The following TAX1BP1 variants were observed in gnomAD, a reference collection of about 807,000 sequenced individuals.
TAX1BP1 encodes the protein tax1-binding protein 1.
TAX1BP1 carries 62 observed loss-of-function variants against 97.7 expected under a neutral mutation model. That is an observed-to-expected ratio of 0.63 (90% CI 0.52 to 0.78). The LOEUF is 0.78. Ranked by LOEUF, TAX1BP1 falls within the 30% of genes least tolerant of loss-of-function variation. The pLI is 0.00. For synonymous variants in TAX1BP1, 340 were observed against 304.2 expected (o/e 1.12, Z -1.23); for missense variants, 867 against 916.1 (o/e 0.95, Z 0.69).
intron 5 of TAX1BP1, among the ~76,000 whole-genome samples, chr7:27,782,936 T>G (rs548432454): frequency 1.3e-4 from 20 of 152,352 alleles, no homozygotes; most frequent in Admixed American, 1.2e-3. Context: ...TTAAATACTT[T>G]TAAAATGTGT....
intron 4 of TAX1BP1, 104 bp from the exon 5 acceptor site, chr7:27,769,572 G>T: frequency 1.1e-6 from 1 of 940,962 alleles, no homozygotes. Flanking sequence ...AGTTCTTTCT[G>T]TGAATGTCTT....
intron 1 of TAX1BP1, among the ~76,000 whole-genome samples, chr7:27,741,356 T>A (rs1010895884): frequency 6.6e-6 from 1 of 152,364 alleles, no homozygotes; most frequent in African/African-American, 2.4e-5. Flanking sequence ...TAGGACAGCC[T>A]TTCTCTTTCG....
chr7:27,816,361 A>C lies in TAX1BP1; in HGVS notation c.1777A>C (p.Ser593Arg), dbSNP rs748532867. The C allele has an allele frequency of 6.3e-7, 1 of 1,575,450 alleles. No individual in the cohort carries two copies. The highest frequency in any genetic ancestry group is 8.6e-7 in the Non-Finnish European group (1 of 1,168,902). ...TTGTTAATTTTAGGAACTTAAAAGG[A>C]GTCTAGAAAATCCAGCAGAAAGGAA... ...VQDNYKELKR[S>R]LENPAERKME... The change falls in exon 14 of 17, where the codon AGT (serine) becomes CGT (arginine). Residue 593 changes from serine (S) to arginine (R), a missense_variant. Transcript: ENST00000396319.
chr7:27,779,964 C>A (rs1219291597), intron 5 of TAX1BP1, among the ~76,000 whole-genome samples: 1 of 152,136 alleles, frequency 6.6e-6, no homozygotes, highest in African/African-American at 2.4e-5. Flanking sequence ...TATATCATTT[C>A]ATTTATATTT....
chr7:27,825,445 T>G (rs1791142268), intron 15 of TAX1BP1, among the ~76,000 whole-genome samples: 1 of 152,208 alleles, frequency 6.6e-6, no homozygotes, highest in Non-Finnish European at 1.5e-5. Context: ...TTAGAGTGCT[T>G]ACTGCATACT....
At chr7:27,751,898 C>A (rs1788034715) in intron 2 of TAX1BP1, among the ~76,000 whole-genome samples, 1 of 152,118 alleles carries the variant, frequency 6.6e-6, no homozygotes. Context: ...AGCGATCCAC[C>A]CGCCTCAGCC....
At chr7:27,810,641 A>C (rs1463619047) in intron 13 of TAX1BP1, among the ~76,000 whole-genome samples, 6 of 152,134 alleles carry the variant, frequency 3.9e-5, no homozygotes, top group Non-Finnish European at 8.8e-5. Context: ...TCTGACCTTC[A>C]ACTTGTCTTT....
intron 1 of TAX1BP1, among the ~76,000 whole-genome samples, chr7:27,745,265 A>G (rs1787776127): frequency 6.6e-6 from 1 of 152,202 alleles, no homozygotes. Context: ...CCCAGGCATT[A>G]CCACAAGGTG....
chr7:27,779,290 C>T (rs1472041423), intron 5 of TAX1BP1, among the ~76,000 whole-genome samples: 2 of 152,120 alleles, frequency 1.3e-5, no homozygotes, highest in Non-Finnish European at 2.9e-5. Context: ...GTGCTTGGCT[C>T]ATATCTAGAT....
intron 5 of TAX1BP1, among the ~76,000 whole-genome samples, chr7:27,775,993 T>A (rs1266383750): frequency 6.7e-6 from 1 of 149,414 alleles, no homozygotes. Flanking sequence ...GTCTGTCTGT[T>A]CGTCTGTCTG....
Position 27,785,409 on chromosome 7 carries a change from A to C in TAX1BP1, c.772A>C (p.Lys258Gln), listed in dbSNP as rs1374357767. 6.2e-7 allele frequency: 1 copy of C among 1,611,596 alleles called. No individual in the cohort carries two copies. ...KETELDSLKD[K>Q]LKKAQHEREQ... ...TCATACCTATCTTAGTTTAAAGGAC[A>C]AACTCAAGAAGGCACAACATGAAAG... Residue 258 changes from lysine (K) to glutamine (Q), a missense_variant, in exon 7 of 17, where the codon AAA (lysine) becomes CAA (glutamine). This residue lies in a region of TAX1BP1 where 822 missense variants were observed against 851.4 expected (regional missense o/e 0.97). Coordinates refer to ENST00000396319, the MANE Select transcript of TAX1BP1 (RefSeq NM_006024.7).
At chr7:27,820,245 C>T (rs1478433896) in intron 15 of TAX1BP1, among the ~76,000 whole-genome samples, 1 of 152,182 alleles carries the variant, frequency 6.6e-6, no homozygotes, top group Non-Finnish European at 1.5e-5. Flanking sequence ...AGACGAAAGC[C>T]CACACATTCT....
chr7:27,755,497 T>C (rs944003679), intron 2 of TAX1BP1, among the ~76,000 whole-genome samples: 2 of 152,226 alleles, frequency 1.3e-5, no homozygotes, highest in Non-Finnish European at 2.9e-5. Context: ...GATGTTTTTC[T>C]AGGTAACTTT....
chr7:27,816,892 G>T lies in TAX1BP1; in HGVS notation c.1939G>T (p.Gly647Ter). ...CCTTTCCAAAAATTTTATTACAGAT[G>T]GAGCAGATGGTGCTTTTTACCCAGA... ...NPYASQETRD[G>*]ADGAFYPDEI... The change falls in exon 15 of 17, where the codon GGA becomes TGA. Residue 647 changes from glycine to a stop codon, truncating the protein, a stop_gained and splice_region_variant. Transcript: ENST00000396319. LOFTEE classifies it high-confidence loss of function. 6.2e-7 allele frequency: 1 copy of T among 1,613,686 alleles called. No homozygotes were observed. The highest frequency in any genetic ancestry group is 8.5e-7 in the Non-Finnish European group (1 of 1,179,928).
In TAX1BP1 at chr7:27,821,650, AG is replaced by A. The variant is rs201087591; in HGVS notation, c.2085+4613del. 5.1e-3 allele frequency among the ~76,000 whole-genome samples: 769 copies of A among 150,904 alleles called. 7 individuals are homozygous for A. The highest frequency in any genetic ancestry group is 0.016 in the African/African-American group (654 of 41,140). ...ACTCGGTCTCAAAAAAAAAAAAAAA[AG>A]TAGTTAATTTTTTGTGATAGCTTGA... On this transcript the variant is annotated intron_variant, in intron 15 of 16. Transcript: ENST00000396319.
At chr7:27,751,710 G>A (rs374795738) in intron 2 of TAX1BP1, among the ~76,000 whole-genome samples, 35 of 152,300 alleles carry the variant, frequency 2.3e-4, no homozygotes, top group African/African-American at 7.9e-4. Flanking sequence ...CAGGAAGAGA[G>A]TGCCTGGGTA....
At chr7:27,779,373 A>C (rs1789159917) in intron 5 of TAX1BP1, among the ~76,000 whole-genome samples, 3 of 152,054 alleles carry the variant, frequency 2.0e-5, no homozygotes, top group Admixed American at 2.0e-4. Context: ...CCTCTACCAT[A>C]TGTATTTGTT....
At position 27,802,390 on chromosome 7, in the gene TAX1BP1, G is replaced by A. The variant is rs114071997; in HGVS notation, c.1764+2300G>A. Among the ~76,000 whole-genome samples, 115 of 152,284 alleles carry A rather than the reference G, an allele frequency of 7.6e-4. 1 individual carries two copies. The highest frequency in any genetic ancestry group is 2.7e-3 in the African/African-American group (113 of 41,560). ...TCCCTGATCACCTGCCATTGAATGGGTCATGTGTCTACAAGAGAAAGCTGT... is the reference window on the plus strand; with the variant it reads ...TCCCTGATCACCTGCCATTGAATGGATCATGTGTCTACAAGAGAAAGCTGT... On this transcript the variant is annotated intron_variant, in intron 13 of 16. Transcript: ENST00000396319.
At position 27,783,013 on chromosome 7, in the gene TAX1BP1, G is replaced by T. The variant is rs552146520; in HGVS notation, c.613-2150G>T. On this transcript the variant is annotated intron_variant, in intron 5 of 16. Coordinates refer to ENST00000396319, the MANE Select transcript of TAX1BP1 (RefSeq NM_006024.7). Reference sequence around the variant, plus strand: ...TATTCATAAGTGAGAGTTATGACTTGTGGGAATTGGTAATAGTGGCTCATG... The same window carrying T: ...TATTCATAAGTGAGAGTTATGACTTTTGGGAATTGGTAATAGTGGCTCATG... Among the ~76,000 whole-genome samples the T allele has an allele frequency of 9.8e-5, 15 of 152,286 alleles. No homozygotes were observed. In the South Asian group the frequency reaches 2.7e-3, roughly 27 times the overall value.
Sources: gnomAD v4.1 joint callset for allele counts (sites outside exome capture counted in the v4.1 genomes callset) on GRCh38, gnomAD v4.1.1 for gene constraint, gnomAD v4.1.1 regional missense constraint, MANE v1.5 for transcripts, NCBI Gene and HGNC (gene_info 2026-07-23, HGNC 2026-07-21) for gene names.